SAMMSON: variants seen among roughly 807,000 people sequenced by gnomAD.
The protein encoded by SAMMSON is long intergenic non-protein coding RNA 1212.
intron 7 of SAMMSON, among the ~76,000 whole-genome samples, chr3:70,341,035 T>C (rs1372304304): frequency 1.3e-5 from 2 of 152,148 alleles, no homozygotes; most frequent in Admixed American, 1.3e-4. Flanking sequence ...GTAATTAAAA[T>C]GTGATTTTGT....
chr3:70,162,466 G>A (rs377655861), intron 4 of SAMMSON, among the ~76,000 whole-genome samples: 5 of 151,094 alleles, frequency 3.3e-5, no homozygotes, highest in South Asian at 2.1e-4. Context: ...TTCTGTTACC[G>A]ATTTCCAGTT....
intron 9 of SAMMSON, among the ~76,000 whole-genome samples, chr3:70,373,301 C>A (rs571172450): frequency 1.3e-5 from 2 of 152,058 alleles, no homozygotes; most frequent in Admixed American, 6.6e-5. Flanking sequence ...AGAAAATATT[C>A]CACTTCTTTC....
At chr3:70,279,857 C>A (rs576069774) in intron 6 of SAMMSON, among the ~76,000 whole-genome samples, 53 of 152,268 alleles carry the variant, frequency 3.5e-4, no homozygotes, top group African/African-American at 1.1e-3. Flanking sequence ...CCTGCCAAAC[C>A]ACCTGCTGTG....
At chr3:70,333,351 TTAAA>T (rs1702639147) in intron 7 of SAMMSON, among the ~76,000 whole-genome samples, 1 of 151,906 alleles carries the variant, frequency 6.6e-6, no homozygotes. Flanking sequence ...TTAAAAAATA[TTAAA>T]TAATAAGTAA....
At chr3:70,080,879 G>T (rs989905896) in intron 4 of SAMMSON, among the ~76,000 whole-genome samples, 5 of 152,088 alleles carry the variant, frequency 3.3e-5, no homozygotes, top group Admixed American at 2.6e-4. Context: ...TGGTTCCTGT[G>T]CTTTCTACTA....
intron 4 of SAMMSON, among the ~76,000 whole-genome samples, chr3:70,108,480 TC>T (rs2067376317): frequency 6.8e-6 from 1 of 146,326 alleles, no homozygotes; most frequent in Non-Finnish European, 1.5e-5. Context: ...GACTTGTTTT[TC>T]CCTAATTGCT....
At chr3:70,400,315 T>C (rs1173726084) in intron 2 of SAMMSON, among the ~76,000 whole-genome samples, 1 of 152,168 alleles carries the variant, frequency 6.6e-6, no homozygotes, top group African/African-American at 2.4e-5. Context: ...GTCATGCAGG[T>C]GGATCCCTCA....
chr3:70,238,615 A>G (rs1701636069), intron 4 of SAMMSON, among the ~76,000 whole-genome samples: 1 of 151,782 alleles, frequency 6.6e-6, no homozygotes, highest in Non-Finnish European at 1.5e-5. Flanking sequence ...GTCTCAAAAA[A>G]GAAAAAAAAA....
chr3:70,017,898 A>AAG (rs2066992979), intron 3 of SAMMSON, among the ~76,000 whole-genome samples: 1 of 152,026 alleles, frequency 6.6e-6, no homozygotes, highest in South Asian at 2.1e-4. Context: ...ATTGATTTGC[A>AAG]TATGTTGAAC....
At chr3:70,142,106 T>C (rs2067529871) in intron 4 of SAMMSON, among the ~76,000 whole-genome samples, 1 of 126,430 alleles carries the variant, frequency 7.9e-6, no homozygotes, top group African/African-American at 3.0e-5. Context: ...GTACAACCAC[T>C]ATGGAAAACA....
intron 4 of SAMMSON, among the ~76,000 whole-genome samples, chr3:70,109,317 G>T (rs1482831426): frequency 1.3e-5 from 2 of 151,868 alleles, no homozygotes; most frequent in African/African-American, 4.8e-5. Context: ...ACCATTCCCG[G>T]AGCTCTCCTC....
chr3:70,326,402 G>A (rs898511472), intron 7 of SAMMSON, among the ~76,000 whole-genome samples: 1 of 152,166 alleles, frequency 6.6e-6, no homozygotes, highest in Non-Finnish European at 1.5e-5. Flanking sequence ...TATTGTAGGA[G>A]TAAATGAATA....
chr3:70,197,884 G>T (rs1701197340), intron 4 of SAMMSON, among the ~76,000 whole-genome samples: 1 of 151,976 alleles, frequency 6.6e-6, no homozygotes, highest in Admixed American at 6.6e-5. Context: ...TAAGAAAATT[G>T]GTTTAAAAAT....
At chr3:70,056,520 C>T (rs1310080111) in intron 3 of SAMMSON, among the ~76,000 whole-genome samples, 1 of 151,698 alleles carries the variant, frequency 6.6e-6, no homozygotes, top group Admixed American at 6.6e-5. Flanking sequence ...TTCCAATTTT[C>T]ATGACCCATT....
At chr3:70,386,498 C>G (rs1480490720) in intron 9 of SAMMSON, among the ~76,000 whole-genome samples, 1 of 151,962 alleles carries the variant, frequency 6.6e-6, no homozygotes, top group Non-Finnish European at 1.5e-5. Flanking sequence ...GAGGAAGAAA[C>G]CAATGAATTA....
intron 4 of SAMMSON, among the ~76,000 whole-genome samples, chr3:70,097,584 C>T (rs1479707486): frequency 6.6e-6 from 1 of 152,154 alleles, no homozygotes; most frequent in Non-Finnish European, 1.5e-5. Context: ...ATGTTGGGTG[C>T]CAAGACTGAA....
intron 6 of SAMMSON, chr3:70,283,917 T>C (rs533745705): frequency 1.6e-4 from 25 of 152,254 alleles, no homozygotes; most frequent in African/African-American, 6.0e-4. Context: ...ACATGTGCTA[T>C]TAATAATCTT....
At chr3:70,414,744 T>C (rs2106770628) in intron 2 of SAMMSON, among the ~76,000 whole-genome samples, 1 of 152,322 alleles carries the variant, frequency 6.6e-6, no homozygotes, top group East Asian at 1.9e-4. Context: ...AGTTCATTTA[T>C]AAAATGGACC....
chr3:70,151,867 CTAAAA>C (rs1322835804), intron 4 of SAMMSON, among the ~76,000 whole-genome samples: 1 of 151,698 alleles, frequency 6.6e-6, no homozygotes, highest in Non-Finnish European at 1.5e-5. Context: ...CTCAATCTCT[CTAAAA>C]TAAGTCTAAA....
Sources: gnomAD v4.1 joint callset for allele counts (sites outside exome capture counted in the v4.1 genomes callset) on GRCh38, gnomAD v4.1.1 for gene constraint, MANE v1.5 for transcripts, NCBI Gene and HGNC (gene_info 2026-07-23, HGNC 2026-07-21) for gene names.